The following ZNF827 variants were observed in gnomAD, a reference collection of about 807,000 sequenced individuals.
ZNF827 encodes zinc finger protein 827.
In ZNF827, 13 loss-of-function variants were observed where a neutral mutation model predicts 102.4. The observed-to-expected ratio is 0.13, with a 90% CI of 0.08 to 0.20. The LOEUF is 0.20. Ranked by LOEUF, ZNF827 falls within the 10% of genes least tolerant of loss-of-function variation. The probability of loss-of-function intolerance (pLI) is 1.00; values close to 1 mark genes in which losing one functional copy is unlikely to be tolerated. For synonymous variants in ZNF827, 523 were observed against 536.2 expected (o/e 0.98, Z 0.34); for missense variants, 1,103 against 1,344.4 (o/e 0.82, Z 2.81).
chr4:145,893,492 C>A (rs916556411), intron 2 of ZNF827, among the ~76,000 whole-genome samples: 1 of 152,108 alleles, frequency 6.6e-6, no homozygotes, highest in Admixed American at 6.5e-5. Context: ...AAAACATGTC[C>A]AAGATATTAG....
At chr4:145,796,284 C>T (rs1017584547) in intron 8 of ZNF827, among the ~76,000 whole-genome samples, 3 of 152,180 alleles carry the variant, frequency 2.0e-5, no homozygotes, top group African/African-American at 4.8e-5. Flanking sequence ...AACAAACACA[C>T]GCAGACATGT....
intron 3 of ZNF827, among the ~76,000 whole-genome samples, chr4:145,891,106 T>C (rs1001781042): frequency 4.6e-5 from 7 of 152,202 alleles, no homozygotes; most frequent in Non-Finnish European, 8.8e-5. Flanking sequence ...ACTTTATAAA[T>C]AATGTCAACA....
chr4:145,822,975 G>A (rs1224379913), intron 8 of ZNF827, among the ~76,000 whole-genome samples: 1 of 152,224 alleles, frequency 6.6e-6, no homozygotes, highest in Non-Finnish European at 1.5e-5. Context: ...TTTCCTCAGT[G>A]AGCTGTCTCG....
chr4:145,924,053 C>T (rs1205128623), intron 1 of ZNF827, among the ~76,000 whole-genome samples: 2 of 152,154 alleles, frequency 1.3e-5, no homozygotes, highest in African/African-American at 2.4e-5. Context: ...CAGTGAAATA[C>T]TGGAGAGCAG....
chr4:145,817,287 A>G (rs1346717684), intron 8 of ZNF827, among the ~76,000 whole-genome samples: 1 of 152,100 alleles, frequency 6.6e-6, no homozygotes, highest in Non-Finnish European at 1.5e-5. Context: ...GACTAGACTG[A>G]TTTTCTCCTG....
At chr4:145,782,409 T>C (rs1738217690) in intron 8 of ZNF827, among the ~76,000 whole-genome samples, 1 of 152,114 alleles carries the variant, frequency 6.6e-6, no homozygotes, top group Non-Finnish European at 1.5e-5. Flanking sequence ...CTCTCCTGCA[T>C]CTCCTGTGAA....
At chr4:145,928,824 T>C (rs1200906990) in intron 1 of ZNF827, among the ~76,000 whole-genome samples, 1 of 151,750 alleles carries the variant, frequency 6.6e-6, no homozygotes, top group African/African-American at 2.4e-5. Context: ...GATCAGGAGG[T>C]AAGATACCTG....
At chr4:145,937,055 C>G (rs1302710883) in intron 1 of ZNF827, among the ~76,000 whole-genome samples, 2 of 152,144 alleles carry the variant, frequency 1.3e-5, no homozygotes, top group Non-Finnish European at 2.9e-5. Flanking sequence ...CCGGGCGGCC[C>G]CGGGGGATAT....
chr4:145,775,102 G>C lies in ZNF827; in HGVS notation c.2694-430C>G, dbSNP rs533416852. Among the ~76,000 whole-genome samples, 14 of 152,228 alleles carry C rather than the reference G, an allele frequency of 9.2e-5. No homozygotes were observed. In the South Asian group the frequency reaches 2.9e-3, roughly 32 times the overall value. ...TCTCTGGCTCTGGAAACCTTCCCTA[G>C]TAGCAATGAAAGCACCTACAGTTTG... is the stretch of plus-strand genomic sequence containing the variant. On this transcript the variant is annotated intron_variant, in intron 10 of 14. Coordinates refer to ENST00000508784, the MANE Select transcript of ZNF827 (RefSeq NM_001306215.2).
chr4:145,918,508 C>CA (rs369146146), intron 1 of ZNF827, among the ~76,000 whole-genome samples: 75,396 of 132,108 alleles, frequency 0.57, 22,718 homozygotes, highest in African/African-American at 0.82. Flanking sequence ...GACCCAGTCT[C>CA]AAAAAAAAAA....
rs767194473 is a variant in ZNF827 at position 145,870,458 on chromosome 4, T to C, written c.1768A>G (p.Met590Val). 6 of 1,614,060 alleles carry C rather than the reference T, an allele frequency of 3.7e-6. No individual in the cohort carries two copies. The highest frequency in any genetic ancestry group is 3.3e-5 in the Admixed American group (2 of 60,008). The change falls in exon 5 of 15, where the codon ATG (methionine) becomes GTG (valine). Residue 590 changes from methionine (M) to valine (V), a missense_variant. Met to Val is a conservative substitution (Grantham distance 21). Coordinates refer to ENST00000508784, the MANE Select transcript of ZNF827 (RefSeq NM_001306215.2). ...TCTTTCACTTTAAAATTAAGATTCA[T>C]GGGCTCCTTCTGATTTGCAGCTGTC... ...KLSAANQKEP[M>V]NLNFKVKEEP...
At position 145,903,168 on chromosome 4, in the gene ZNF827, G is replaced by A. The variant is rs1751568933; in HGVS notation, c.91C>T (p.His31Tyr). ...EAEGELSEGE[H>Y]WYGNSSETPS... ...GTCTCTGAAGAGTTTCCATACCAGT[G>A]TTCTCCTTCACTGAGCTCTCCCTCC... The change falls in exon 2 of 15, where the codon CAC (histidine) becomes TAC (tyrosine). Residue 31 changes from histidine (H) to tyrosine (Y), a missense_variant. By Grantham distance (83) the His-to-Tyr change is moderately conservative. Transcript: ENST00000508784. 1.2e-6 allele frequency: 2 copies of A among 1,614,036 alleles called. No homozygotes were observed. Among genetic ancestry groups the A allele is most frequent in the Admixed American group, 1.7e-5 (1 of 60,022 alleles).
chr4:145,761,191 C>G lies in ZNF827; in HGVS notation c.*425G>C. Reference sequence around the variant, plus strand: ...CTTCTTGTCCTCCTCGGGGCAGTCCCCACTCTGGTGCTTCTTGACGTGGCG... The same window carrying G: ...CTTCTTGTCCTCCTCGGGGCAGTCCGCACTCTGGTGCTTCTTGACGTGGCG... On this transcript the variant is annotated 3_prime_UTR_variant, in exon 15 of 15. Coordinates refer to ENST00000508784, the MANE Select transcript of ZNF827 (RefSeq NM_001306215.2). The surrounding 1 kb of genome is among the most constrained non-coding windows in gnomAD (Gnocchi z 6.8). 7.8e-7 allele frequency: 1 copy of G among 1,289,832 alleles called. No individual in the cohort carries two copies. Among genetic ancestry groups the G allele is most frequent in the Non-Finnish European group, 1.0e-6 (1 of 988,874 alleles). The allele number at this position is 1,289,832 out of a possible 1,614,324, so 79.9% of individuals were successfully genotyped here. A position where few individuals can be genotyped will look rare whatever the true frequency, so the allele number is the denominator to read the frequency against.
At chr4:145,866,764 T>C (rs1748245067) in intron 5 of ZNF827, among the ~76,000 whole-genome samples, 1 of 152,240 alleles carries the variant, frequency 6.6e-6, no homozygotes, top group African/African-American at 2.4e-5. Context: ...TTTATATATG[T>C]ATTCCCATGG....
At chr4:145,928,066 C>T (rs1307725165) in intron 1 of ZNF827, among the ~76,000 whole-genome samples, 3 of 152,110 alleles carry the variant, frequency 2.0e-5, no homozygotes, top group Admixed American at 6.5e-5. Flanking sequence ...TTTCCAACCT[C>T]GAGGAGTTGC....
rs769631531 is a variant in ZNF827, at chr4:145,842,484, T to C, written c.2279+3472A>G. ...TGCCAAGCTACAGAGTGTTTCCTCT[T>C]GGGCTGCTACACTTTTCCTTAGTCT... On this transcript the variant is annotated intron_variant, in intron 7 of 14. Coordinates refer to ENST00000508784, the MANE Select transcript of ZNF827 (RefSeq NM_001306215.2). 3.3e-5 allele frequency among the ~76,000 whole-genome samples: 5 copies of C among 152,208 alleles called. No individual in the cohort carries two copies. In the South Asian group the frequency reaches 8.3e-4, roughly 25 times the overall value.
intron 11 of ZNF827, among the ~76,000 whole-genome samples, chr4:145,773,197 AT>A (rs1325588567): frequency 6.6e-6 from 1 of 152,218 alleles, no homozygotes; most frequent in African/African-American, 2.4e-5. Flanking sequence ...GCTGAATTTA[AT>A]TTGTCTTCAA....
chr4:145,859,293 A>G (rs1471992705), intron 5 of ZNF827, among the ~76,000 whole-genome samples: 1 of 152,220 alleles, frequency 6.6e-6, no homozygotes, highest in Non-Finnish European at 1.5e-5. Context: ...CAGCTCAATA[A>G]ATATCTGCTG....
chr4:145,930,771 A>C (rs928167695), intron 1 of ZNF827, among the ~76,000 whole-genome samples: 1 of 152,222 alleles, frequency 6.6e-6, no homozygotes, highest in African/African-American at 2.4e-5. Flanking sequence ...TTCTGACCTC[A>C]GATCGTGGGC....
Sources: gnomAD v4.1 joint callset for allele counts (sites outside exome capture counted in the v4.1 genomes callset) on GRCh38, gnomAD v4.1.1 for gene constraint, Gnocchi (gnomAD v3.1) non-coding constraint, MANE v1.5 for transcripts, NCBI Gene and HGNC (gene_info 2026-07-23, HGNC 2026-07-21) for gene names.